The following NTM variants were observed in gnomAD, a reference collection of about 807,000 sequenced individuals.
NTM encodes neurotrimin.
NTM carries 13 observed loss-of-function variants against 42.1 expected under a neutral mutation model. That is an observed-to-expected ratio of 0.31 (90% CI 0.20 to 0.49). The LOEUF (loss-of-function observed/expected upper bound fraction) is 0.49, where lower values mean the gene tolerates loss of function less well. Among genes scored for constraint, NTM ranks in the 20% least tolerant of loss-of-function variants. NTM has a pLI of 0.99. For missense variants in NTM, 373 were observed against 452.8 expected (o/e 0.82, Z 1.60); for synonymous variants, 187 against 179.2 (o/e 1.04, Z -0.35).
intron 2 of NTM, among the ~76,000 whole-genome samples, chr11:132,094,716 T>C (rs548537605): frequency 2.0e-5 from 3 of 152,294 alleles, no homozygotes; most frequent in African/African-American, 7.2e-5. Context: ...ATTATTATTT[T>C]TGTGGTTCCC....
At chr11:131,394,183 A>G (rs1944314848) in intron 1 of NTM, among the ~76,000 whole-genome samples, 1 of 152,240 alleles carries the variant, frequency 6.6e-6, no homozygotes, top group South Asian at 2.1e-4. Context: ...AACATCGTCC[A>G]GAAGTGTCCA....
At chr11:131,571,264 C>T (rs1200456364) in intron 1 of NTM, among the ~76,000 whole-genome samples, 1 of 152,134 alleles carries the variant, frequency 6.6e-6, no homozygotes, top group African/African-American at 2.4e-5. Context: ...AGTAGCTTGG[C>T]CGGAGCTGCT....
intron 2 of NTM, among the ~76,000 whole-genome samples, chr11:132,014,736 G>GTTTTTT (rs146527050): frequency 3.9e-4 from 33 of 83,990 alleles, no homozygotes; most frequent in African/African-American, 6.1e-4. Flanking sequence ...AGAATTACTT[G>GTTTTTT]TTTTTTTTTT....
intron 2 of NTM, among the ~76,000 whole-genome samples, chr11:131,993,204 G>A (rs1565902041): frequency 6.6e-6 from 1 of 152,168 alleles, no homozygotes; most frequent in Non-Finnish European, 1.5e-5. Flanking sequence ...TTGGGAGAGA[G>A]AGGCTGCAGG....
intron 1 of NTM, among the ~76,000 whole-genome samples, chr11:131,841,917 A>G (rs949593774): frequency 6.6e-6 from 1 of 152,232 alleles, no homozygotes; most frequent in African/African-American, 2.4e-5. Context: ...AAGCAGGAAG[A>G]AAGTGGCAAG....
intron 3 of NTM, among the ~76,000 whole-genome samples, chr11:132,170,458 C>G (rs924501098): frequency 1.3e-5 from 2 of 152,226 alleles, no homozygotes; most frequent in African/African-American, 4.8e-5. Context: ...ATACACCTCT[C>G]TCCCTCTAAT....
At chr11:131,808,329 T>C (rs2092599300) in intron 1 of NTM, among the ~76,000 whole-genome samples, 1 of 152,184 alleles carries the variant, frequency 6.6e-6, no homozygotes, top group South Asian at 2.1e-4. Flanking sequence ...GGGATTCTCT[T>C]TGTATTTGTT....
intron 2 of NTM, among the ~76,000 whole-genome samples, chr11:132,001,739 T>G (rs1025783446): frequency 6.6e-6 from 1 of 151,772 alleles, no homozygotes; most frequent in Admixed American, 6.6e-5. Context: ...GGCAGGGACA[T>G]GTATTCAAAC....
intron 3 of NTM, among the ~76,000 whole-genome samples, chr11:132,170,869 G>C (rs77910409): frequency 3.9e-4 from 59 of 152,260 alleles, no homozygotes; most frequent in African/African-American, 1.4e-3. Context: ...AGTGATAAAT[G>C]GTCCTTGACC....
intron 1 of NTM, among the ~76,000 whole-genome samples, chr11:131,480,292 G>A (rs1953430694): frequency 6.6e-6 from 1 of 152,132 alleles, no homozygotes; most frequent in Non-Finnish European, 1.5e-5. Context: ...CCAGCACAAT[G>A]CCTTATGCCA....
chr11:132,121,360 G>T (rs2064791734), intron 2 of NTM, among the ~76,000 whole-genome samples: 1 of 152,006 alleles, frequency 6.6e-6, no homozygotes, highest in South Asian at 2.1e-4. Context: ...ACCGACTGTA[G>T]ATACCACAGT....
intron 1 of NTM, among the ~76,000 whole-genome samples, chr11:131,501,903 G>A (rs778140361): frequency 6.6e-6 from 1 of 152,066 alleles, no homozygotes; most frequent in Non-Finnish European, 1.5e-5. Flanking sequence ...GTGCACATGT[G>A]ATCAATGGAT....
At chr11:131,734,146 A>G (rs2080102461) in intron 1 of NTM, among the ~76,000 whole-genome samples, 1 of 152,138 alleles carries the variant, frequency 6.6e-6, no homozygotes, top group Non-Finnish European at 1.5e-5. Context: ...GACAGGGGAC[A>G]AGTCTGTGTC....
At chr11:131,834,660 G>A (rs528231058) in intron 1 of NTM, among the ~76,000 whole-genome samples, 15 of 116,878 alleles carry the variant, frequency 1.3e-4, no homozygotes, top group Admixed American at 3.8e-4. Context: ...AATCTTCACA[G>A]CAACGCAGTG....
Position 132,310,804 on chromosome 11 carries a change from C to T in NTM, c.782+572C>T, listed in dbSNP as rs1196508214. Among the ~76,000 whole-genome samples the T allele has an allele frequency of 5.3e-5, 8 of 152,066 alleles. 1 individual carries two copies. The highest frequency in any genetic ancestry group is 4.6e-4 in the Admixed American group (7 of 15,266). ...TTCCTTCCCATTGTCACAGCATCCT[C>T]GGGATATTTGTTGTGAGTCACTGAA... On this transcript the variant is annotated intron_variant, in intron 6 of 8. Transcript: ENST00000683400.
At chr11:132,006,965 G>T (rs193230700) in intron 2 of NTM, among the ~76,000 whole-genome samples, 1 of 152,328 alleles carries the variant, frequency 6.6e-6, no homozygotes, top group East Asian at 1.9e-4. Flanking sequence ...GTCACCCTGT[G>T]GGTGGGCTAA....
In NTM at chr11:131,873,638, CA is replaced by C. The variant is rs571499578; in HGVS notation, c.83-37925del. ...GTATATATATACATATATATATACA[CA>C]TATATATATACACACATATATATAC... On this transcript the variant is annotated intron_variant, in intron 1 of 8. Transcript: ENST00000683400. Among the ~76,000 whole-genome samples, 397 of 117,650 alleles carry C rather than the reference CA, an allele frequency of 3.4e-3. 8 individuals are homozygous for C. The highest frequency in any genetic ancestry group is 0.031 in the Middle Eastern group (8 of 258). 77.2% of individuals were successfully genotyped at this position (117,650 alleles called of 152,430 possible). A position where few individuals can be genotyped will look rare whatever the true frequency, so the allele number is the denominator to read the frequency against.
intron 4 of NTM, among the ~76,000 whole-genome samples, chr11:132,275,513 AT>A (rs1314300297): frequency 3.3e-5 from 5 of 150,888 alleles, no homozygotes; most frequent in Non-Finnish European, 7.4e-5. Context: ...TTTGAAATGA[AT>A]TTTTTTTCAT....
intron 1 of NTM, among the ~76,000 whole-genome samples, chr11:131,861,998 C>T (rs1201411322): frequency 3.3e-5 from 5 of 152,202 alleles, no homozygotes; most frequent in African/African-American, 4.8e-5. Flanking sequence ...CCTGACTCTT[C>T]GTTGGCTGCT....
Sources: gnomAD v4.1 joint callset for allele counts (sites outside exome capture counted in the v4.1 genomes callset) on GRCh38, gnomAD v4.1.1 for gene constraint, MANE v1.5 for transcripts, NCBI Gene and HGNC (gene_info 2026-07-23, HGNC 2026-07-21) for gene names.